Variants in RBFOX2 observed in about 807,000 individuals in gnomAD.
The protein encoded by RBFOX2 is RNA binding protein fox-1 homolog 2.
RBFOX2 carries 10 observed loss-of-function variants against 49.1 expected under a neutral mutation model. The ratio of observed to expected loss-of-function variants is 0.20; its 90% CI spans 0.13 to 0.35. The LOEUF is 0.35. Ranked by LOEUF, RBFOX2 falls within the 10% of genes least tolerant of loss-of-function variation. The probability of loss-of-function intolerance (pLI) is 1.00; values close to 1 mark genes in which losing one functional copy is unlikely to be tolerated. For synonymous variants in RBFOX2, 183 were observed against 187.4 expected, an observed-to-expected ratio of 0.98 and a Z score of 0.19; for missense variants, 323 against 486.9, an observed-to-expected ratio of 0.66 and a Z score of 3.17.
intron 1 of RBFOX2, among the ~76,000 whole-genome samples, chr22:36,001,635 T>C (rs2058429799): frequency 6.6e-6 from 1 of 152,010 alleles, no homozygotes. Flanking sequence ...TAGTAGTGCA[T>C]GCCTTAGTCC....
intron 1 of RBFOX2, chr22:35,821,865 CTGTT>C (rs1347926057): frequency 1.2e-5 from 6 of 518,830 alleles, no homozygotes; most frequent in South Asian, 4.2e-5. Flanking sequence ...AGTGAGTTAA[CTGTT>C]TGTATGGCAA....
chr22:35,942,035 T>C (rs2053746338), upstream of RBFOX2, among the ~76,000 whole-genome samples: 3 of 152,228 alleles, frequency 2.0e-5, no homozygotes, highest in Non-Finnish European at 4.4e-5. Flanking sequence ...TATGTAAGAT[T>C]CACCTCCACT....
At chr22:35,922,692 G>T (rs1253106357) in intron 1 of RBFOX2, among the ~76,000 whole-genome samples, 2 of 151,916 alleles carry the variant, frequency 1.3e-5, no homozygotes, top group African/African-American at 4.8e-5. Flanking sequence ...ATGATTGAAA[G>T]AAAAAATCAA....
chr22:35,741,792 A>T (rs1304173420), exon 12 of RBFOX2: 1 of 152,764 alleles, frequency 6.5e-6, no homozygotes, highest in African/African-American at 2.4e-5. Context: ...GGTCTGTGGG[A>T]GCCGCCTTCT....
intron 1 of RBFOX2, among the ~76,000 whole-genome samples, chr22:35,929,940 A>G (rs1447612227): frequency 6.6e-6 from 1 of 151,964 alleles, no homozygotes; most frequent in African/African-American, 2.4e-5. Context: ...ACACAACTCT[A>G]TACGTTTACT....
At chr22:35,960,293 AC>A in intron 1 of RBFOX2, among the ~76,000 whole-genome samples, 1 of 152,048 alleles carries the variant, frequency 6.6e-6, no homozygotes, top group East Asian at 1.9e-4. Context: ...TACTCACAGC[AC>A]TATCATTCCC....
chr22:35,987,444 T>C (rs2057770635), intron 1 of RBFOX2, among the ~76,000 whole-genome samples: 6 of 152,192 alleles, frequency 3.9e-5, no homozygotes. Context: ...AAAATTAATC[T>C]GATTCCTCAA....
chr22:35,787,810 C>T (rs1384711744), intron 2 of RBFOX2, among the ~76,000 whole-genome samples: 1 of 152,142 alleles, frequency 6.6e-6, no homozygotes, highest in Non-Finnish European at 1.5e-5. Flanking sequence ...GTGGTTTTCC[C>T]TTTTGTGGTC....
chr22:35,908,795 C>A (rs1260119219), intron 1 of RBFOX2, among the ~76,000 whole-genome samples: 2 of 150,424 alleles, frequency 1.3e-5, no homozygotes, highest in African/African-American at 4.9e-5. Context: ...GTTTGGGGCT[C>A]AAGGAATTCA....
rs369492922 is a variant in RBFOX2, at chr22:35,916,956, G to T, written c.-34+21891C>A. ...TAGCACAATACCTGATGCATAGCAA[G>T]CATTCAGTAAATAGTACCTGGTACT... is the stretch of plus-strand genomic sequence containing the variant. On this transcript the variant is annotated intron_variant, in intron 1 of 13. Transcript: ENST00000359369. 3.1e-4 allele frequency among the ~76,000 whole-genome samples: 47 copies of T among 151,822 alleles called. 1 individual carries two copies. The highest frequency in any genetic ancestry group is 1.1e-3 in the African/African-American group (45 of 41,422).
At chr22:35,846,225 A>G (rs990539890) in intron 1 of RBFOX2, among the ~76,000 whole-genome samples, 7 of 149,592 alleles carry the variant, frequency 4.7e-5, no homozygotes, top group African/African-American at 1.5e-4. Flanking sequence ...TATAAACTAT[A>G]TAAGTTAATA....
At chr22:35,931,279 TC>T (rs1265994995) in intron 1 of RBFOX2, among the ~76,000 whole-genome samples, 9 of 149,512 alleles carry the variant, frequency 6.0e-5, no homozygotes, top group Non-Finnish European at 1.2e-4. Context: ...ATTTCACACT[TC>T]CTGTAATTTA....
chr22:35,953,617 C>T (rs1428573204), intron 1 of RBFOX2, among the ~76,000 whole-genome samples: 1 of 152,102 alleles, frequency 6.6e-6, no homozygotes, highest in East Asian at 1.9e-4. Context: ...GTATTAAATG[C>T]CACCAAATTG....
At chr22:35,767,158 G>A (rs768507386) in intron 5 of RBFOX2, among the ~76,000 whole-genome samples, 7 of 151,972 alleles carry the variant, frequency 4.6e-5, no homozygotes, top group Non-Finnish European at 8.8e-5. Flanking sequence ...AGCTCAGACC[G>A]CTACAAAACA....
intron 1 of RBFOX2, among the ~76,000 whole-genome samples, chr22:35,975,962 C>T (rs1285787445): frequency 6.6e-6 from 1 of 152,140 alleles, no homozygotes; most frequent in Non-Finnish European, 1.5e-5. Context: ...CATTAGAATT[C>T]TAGTTTTTCC....
chr22:36,028,532 GC>G, exon 1 of RBFOX2: 1 of 959,970 alleles, frequency 1.0e-6, no homozygotes, highest in Non-Finnish European at 1.2e-6. Flanking sequence ...GCCTGCCCCC[GC>G]CCCCGCGTGC....
intron 1 of RBFOX2, among the ~76,000 whole-genome samples, chr22:35,974,785 C>G (rs935986004): frequency 1.3e-5 from 2 of 152,084 alleles, no homozygotes; most frequent in Non-Finnish European, 1.5e-5. Context: ...CAGGGCATCC[C>G]CCCTCATCTT....
chr22:35,921,749 A>G (rs910574064), intron 1 of RBFOX2, among the ~76,000 whole-genome samples: 1 of 152,260 alleles, frequency 6.6e-6, no homozygotes, highest in Non-Finnish European at 1.5e-5. Flanking sequence ...AGCATGGGAG[A>G]AAACATGAGA....
intron 1 of RBFOX2, among the ~76,000 whole-genome samples, chr22:35,839,508 AT>A (rs1958348308): frequency 6.6e-6 from 1 of 152,142 alleles, no homozygotes; most frequent in African/African-American, 2.4e-5. Flanking sequence ...GAGGAGAGGT[AT>A]CTTCCATTTC....
Sources: gnomAD v4.1 joint callset for allele counts (sites outside exome capture counted in the v4.1 genomes callset) on GRCh38, gnomAD v4.1.1 for gene constraint, MANE v1.5 for transcripts, NCBI Gene and HGNC (gene_info 2026-07-23, HGNC 2026-07-21) for gene names.